Variants in HDAC8 observed in about 807,000 individuals in gnomAD.
HDAC8 encodes the protein histone deacetylase 8, also known as histone deacetylase-like 1.
HDAC8 carries 1 observed loss-of-function variant against 32.2 expected under a neutral mutation model. The ratio of observed to expected loss-of-function variants is 0.03; its 90% confidence interval spans 0.01 to 0.15. HDAC8 has a LOEUF of 0.15. Among genes scored for constraint, HDAC8 ranks in the 10% least tolerant of loss-of-function variants. The pLI is 1.00. For synonymous variants in HDAC8, 108 were observed against 113.9 expected (o/e 0.95, Z 0.33); for missense variants, 117 against 300.0 (o/e 0.39, Z 4.51).
chrX:72,483,187 C>T (rs2048562957), intron 7 of HDAC8, among the ~76,000 whole-genome samples: 1 of 111,919 alleles, frequency 8.9e-6, no homozygotes, highest in South Asian at 3.7e-4. Context: ...CCCAACTCTC[C>T]TTCTTGTGGT....
chrX:72,442,007 A>C (rs12390777), intron 9 of HDAC8, among the ~76,000 whole-genome samples: 26,601 of 109,815 alleles, frequency 0.24, 5,958 homozygotes, highest in East Asian at 0.74. Context: ...AAGAAATGAA[A>C]AAAGCCTCCA....
chrX:72,447,590 C>T (rs2047445339), intron 9 of HDAC8, among the ~76,000 whole-genome samples: 1 of 111,503 alleles, frequency 9.0e-6, no homozygotes, highest in African/African-American at 3.3e-5. Context: ...CTGGCCAGGG[C>T]AATCAGGCAA....
chrX:72,572,505 T>C lies in HDAC8; in HGVS notation c.111+146A>G. On this transcript the variant is annotated intron_variant, in intron 1 of 10. Transcript: ENST00000373573. ...ACGATATGAGAACACTTCCTTCTGATACAGCTTTAGGTATCTGATACAGCT... is the reference window on the plus strand; with the variant it reads ...ACGATATGAGAACACTTCCTTCTGACACAGCTTTAGGTATCTGATACAGCT... 1.1e-5 allele frequency: 5 copies of C among 465,544 alleles called. No individual in the cohort carries two copies. In the South Asian group the frequency reaches 1.9e-4, roughly 17 times the overall value. 38.4% of individuals were successfully genotyped at this position (465,544 alleles called of 1,213,427 possible). A position where few individuals can be genotyped will look rare whatever the true frequency, so the allele number is the denominator to read the frequency against.
chrX:72,339,728 A>T (rs782596235), intron 10 of HDAC8, among the ~76,000 whole-genome samples: 134 of 111,837 alleles, frequency 1.2e-3, no homozygotes, highest in African/African-American at 4.3e-3. Flanking sequence ...CTAGAGCAAG[A>T]TTTCCAGCTG....
intron 9 of HDAC8, among the ~76,000 whole-genome samples, chrX:72,388,595 T>TACAC (rs59374504): frequency 0.12 from 10,366 of 88,241 alleles, 1,039 homozygotes; most frequent in East Asian, 0.5. Context: ...CCACAGTGAT[T>TACAC]ACACACACAC....
intron 9 of HDAC8, among the ~76,000 whole-genome samples, chrX:72,447,490 G>T (rs782719053): frequency 8.9e-6 from 1 of 111,933 alleles, no homozygotes; most frequent in African/African-American, 3.2e-5. Context: ...CATATTGAAT[G>T]GGCAAAAGCT....
At chrX:72,367,752 C>A (rs782634504) in intron 9 of HDAC8, among the ~76,000 whole-genome samples, 2 of 112,762 alleles carry the variant, frequency 1.8e-5, no homozygotes, top group South Asian at 7.3e-4. Context: ...CACCATTCAG[C>A]TGACAACAGA....
intron 9 of HDAC8, among the ~76,000 whole-genome samples, chrX:72,422,061 T>C (rs2046506272): frequency 8.9e-6 from 1 of 111,873 alleles, no homozygotes; most frequent in African/African-American, 3.2e-5. Flanking sequence ...ATGAGTTGTT[T>C]CTCTCTTGCT....
chrX:72,372,545 A>T (rs1454120089), intron 9 of HDAC8, among the ~76,000 whole-genome samples: 1 of 111,364 alleles, frequency 9.0e-6, no homozygotes, highest in African/African-American at 3.3e-5. Context: ...CCTCACCCTA[A>T]ATCAAACACT....
At chrX:72,408,623 C>G (rs1017966786) in intron 9 of HDAC8, among the ~76,000 whole-genome samples, 1 of 111,496 alleles carries the variant, frequency 9.0e-6, no homozygotes, top group African/African-American at 3.3e-5. Context: ...CCAGGCTGGT[C>G]TCGAACTCTT....
chrX:72,433,160 G>A (rs2046864083), intron 9 of HDAC8, among the ~76,000 whole-genome samples: 1 of 111,393 alleles, frequency 9.0e-6, no homozygotes, highest in African/African-American at 3.3e-5. Flanking sequence ...CTCAACAGGG[G>A]CAATTTTGCC....
intron 7 of HDAC8, 28 bp downstream of exon 7, chrX:72,488,905 T>C (rs782496920): frequency 1.1e-6 from 1 of 942,102 alleles, no homozygotes; most frequent in South Asian, 2.4e-5. Flanking sequence ...TGCAATCCAC[T>C]TATTACTGGC....
intron 4 of HDAC8, among the ~76,000 whole-genome samples, chrX:72,522,345 C>G (rs1250039596): frequency 8.9e-6 from 1 of 112,341 alleles, no homozygotes; most frequent in Non-Finnish European, 1.9e-5. Context: ...ATTAAACTTG[C>G]CTTGACTCTA....
intron 9 of HDAC8, among the ~76,000 whole-genome samples, chrX:72,370,002 C>T (rs1444083733): frequency 2.7e-5 from 3 of 111,937 alleles, no homozygotes; most frequent in African/African-American, 9.7e-5. Context: ...CTTGTCTCCC[C>T]ACTCCACCGC....
chrX:72,452,904 A>C (rs868908281), intron 9 of HDAC8, among the ~76,000 whole-genome samples: 4 of 111,610 alleles, frequency 3.6e-5, no homozygotes, highest in Non-Finnish European at 7.5e-5. Context: ...CAAGGACTCT[A>C]AAACAGCTAT....
chrX:72,551,935 C>T (rs1288001695), intron 4 of HDAC8, among the ~76,000 whole-genome samples: 1 of 111,916 alleles, frequency 8.9e-6, no homozygotes, highest in East Asian at 2.8e-4. Flanking sequence ...ATTTCCTCTG[C>T]TTGGAATTTT....
chrX:72,370,581 G>A (rs919888678), intron 9 of HDAC8, among the ~76,000 whole-genome samples: 2 of 111,152 alleles, frequency 1.8e-5, no homozygotes, highest in Non-Finnish European at 3.8e-5. Context: ...GGCTGGTCTC[G>A]AATTCCTGAC....
chrX:72,493,849 A>T (rs927543964), intron 5 of HDAC8, among the ~76,000 whole-genome samples: 2 of 110,637 alleles, frequency 1.8e-5, no homozygotes, highest in African/African-American at 6.6e-5. Context: ...AGCACACAAC[A>T]CCAAACTCAG....
At chrX:72,350,152 T>C (rs1051832963) in intron 10 of HDAC8, among the ~76,000 whole-genome samples, 1 of 110,868 alleles carries the variant, frequency 9.0e-6, no homozygotes. Context: ...AGGAGGATTT[T>C]GTTAGGAAGC....
Sources: gnomAD v4.1 joint callset for allele counts (sites outside exome capture counted in the v4.1 genomes callset) on GRCh38, gnomAD v4.1.1 for gene constraint, MANE v1.5 for transcripts, NCBI Gene and HGNC (gene_info 2026-07-23, HGNC 2026-07-21) for gene names.